The following EVA1A variants were observed in gnomAD, a reference collection of about 807,000 sequenced individuals.
EVA1A encodes protein eva-1 homolog A.
In EVA1A, 7 loss-of-function variants were observed where a neutral mutation model predicts 9.8. The ratio of observed to expected loss-of-function variants is 0.71; its 90% CI spans 0.41 to 1.34. EVA1A has a LOEUF of 1.34. EVA1A is among the 40% of genes most tolerant of loss of function. The pLI is 0.01. For missense variants in EVA1A, 206 were observed against 205.9 expected (o/e 1.00, Z 0.00); for synonymous variants, 90 against 85.6 (o/e 1.05, Z -0.28).
At chr2:75,504,937 C>T (rs1323335569) in intron 3 of EVA1A, among the ~76,000 whole-genome samples, 2 of 152,136 alleles carry the variant, frequency 1.3e-5, no homozygotes, top group African/African-American at 4.8e-5. Flanking sequence ...ATGTTCTGCA[C>T]ACGTATCCCA....
chr2:75,523,802 T>C lies in EVA1A; in HGVS notation c.-191-1315A>G, dbSNP rs191804889. 1.9e-3 allele frequency among the ~76,000 whole-genome samples: 283 copies of C among 152,284 alleles called. 6 individuals carry two copies. The highest frequency in any genetic ancestry group is 6.6e-3 in the African/African-American group (274 of 41,576). On this transcript the variant is annotated intron_variant, in intron 1 of 3. Transcript: ENST00000393913. ...GCATAGAGCTAATGCTCAGGGACTG[T>C]TTGCTGGATGAATGACTCACACTGA...
chr2:75,555,371 T>A lies in EVA1A; in HGVS notation c.-192+5309A>T, dbSNP rs952620632. Among the ~76,000 whole-genome samples, 4 of 143,056 alleles carry A rather than the reference T, an allele frequency of 2.8e-5. No individual in the cohort carries two copies. In the South Asian group the frequency reaches 9.6e-4, roughly 34 times the overall value. The allele number at this position is 143,056 out of a possible 152,430, so 93.9% of individuals were successfully genotyped here. A position where few individuals can be genotyped will look rare whatever the true frequency, so the allele number is the denominator to read the frequency against. On this transcript the variant is annotated intron_variant, in intron 1 of 3. Coordinates refer to ENST00000393913, the MANE Select transcript of EVA1A (RefSeq NM_001135032.2). ...CCCCTTCTTTCCCTCTGTTTCTCCA[T>A]CCCTTTCTAAGTCTGGAGAAATTTA...
chr2:75,554,015 G>A (rs184962753), intron 1 of EVA1A, among the ~76,000 whole-genome samples: 7 of 152,310 alleles, frequency 4.6e-5, no homozygotes, highest in East Asian at 1.9e-4. Flanking sequence ...GGCCCTACCC[G>A]TCTCCTCCCA....
chr2:75,537,429 C>A (rs1381789618), intron 1 of EVA1A, among the ~76,000 whole-genome samples: 4 of 152,190 alleles, frequency 2.6e-5, no homozygotes, highest in Non-Finnish European at 5.9e-5. Flanking sequence ...ACCCTCCCCA[C>A]TCTTAAATCA....
intron 3 of EVA1A, among the ~76,000 whole-genome samples, chr2:75,514,652 G>A (rs1376368984): frequency 6.6e-6 from 1 of 151,994 alleles, no homozygotes; most frequent in Non-Finnish European, 1.5e-5. Context: ...AATATATATG[G>A]TGTGTGGCAA....
At chr2:75,523,912 A>G (rs1675321747) in intron 1 of EVA1A, among the ~76,000 whole-genome samples, 3 of 152,120 alleles carry the variant, frequency 2.0e-5, no homozygotes, top group African/African-American at 7.2e-5. Context: ...ATCTTGTAAT[A>G]TAGTTCCTAT....
intron 3 of EVA1A, among the ~76,000 whole-genome samples, chr2:75,494,294 C>A (rs1410200738): frequency 6.6e-6 from 1 of 152,142 alleles, no homozygotes; most frequent in Admixed American, 6.5e-5. Context: ...GGGTCATCTG[C>A]AGAACTTAAG....
chr2:75,556,814 C>A (rs149427332), intron 1 of EVA1A, among the ~76,000 whole-genome samples: 2 of 152,124 alleles, frequency 1.3e-5, no homozygotes, highest in Non-Finnish European at 2.9e-5. Context: ...TTCACCCATG[C>A]GGCTTGCAAT....
chr2:75,542,537 T>C (rs1025456942), intron 1 of EVA1A: 1 of 152,324 alleles, frequency 6.6e-6, no homozygotes, highest in African/African-American at 2.4e-5. Context: ...GGCATGTGTT[T>C]TCCTGCATCA....
At chr2:75,552,379 G>A (rs1572991651) in intron 1 of EVA1A, among the ~76,000 whole-genome samples, 3 of 152,094 alleles carry the variant, frequency 2.0e-5, no homozygotes, top group South Asian at 4.2e-4. Flanking sequence ...CTCTCCTAAT[G>A]AATAGCCCCA....
chr2:75,494,844 C>T (rs1362337864), intron 3 of EVA1A, among the ~76,000 whole-genome samples: 1 of 152,182 alleles, frequency 6.6e-6, no homozygotes, highest in Non-Finnish European at 1.5e-5. Context: ...TAGGAGTGGC[C>T]TCAGCAGGTT....
chr2:75,541,236 G>A (rs905893027), intron 1 of EVA1A, among the ~76,000 whole-genome samples: 1 of 152,170 alleles, frequency 6.6e-6, no homozygotes, highest in African/African-American at 2.4e-5. Context: ...TGATGCAACA[G>A]ATAGAAAACT....
intron 1 of EVA1A, among the ~76,000 whole-genome samples, chr2:75,555,336 T>TCTCTCTCTCTCTCTCTCCCCCC (rs766586263): frequency 9.7e-6 from 1 of 102,744 alleles, no homozygotes; most frequent in African/African-American, 3.0e-5. Context: ...TCTCTCTCTC[T>TCTCTCTCTCTCTCTCTCCCCCC]CCCCCATCTC....
intron 1 of EVA1A, among the ~76,000 whole-genome samples, chr2:75,532,142 A>G (rs981532921): frequency 1.6e-5 from 2 of 127,866 alleles, no homozygotes; most frequent in South Asian, 2.8e-4. Flanking sequence ...CCTGGGTGAC[A>G]GAGTGAGACT....
chr2:75,549,083 C>T (rs1369750287), intron 1 of EVA1A, among the ~76,000 whole-genome samples: 1 of 149,948 alleles, frequency 6.7e-6, no homozygotes, highest in East Asian at 2.0e-4. Flanking sequence ...GCTTTATGGG[C>T]ACACAGTGTA....
chr2:75,524,399 C>G (rs561009143), intron 1 of EVA1A, among the ~76,000 whole-genome samples: 2 of 152,034 alleles, frequency 1.3e-5, no homozygotes, highest in South Asian at 2.1e-4. Context: ...CACAGCCTGG[C>G]TACTACAACT....
intron 1 of EVA1A, among the ~76,000 whole-genome samples, chr2:75,569,249 G>A (rs1342740620): frequency 1.3e-5 from 2 of 151,742 alleles, no homozygotes; most frequent in Non-Finnish European, 2.9e-5. Context: ...TCAAATAAAT[G>A]GTATTCACTT....
intron 1 of EVA1A, among the ~76,000 whole-genome samples, chr2:75,544,932 G>C (rs1480621073): frequency 6.6e-6 from 1 of 152,182 alleles, no homozygotes; most frequent in Non-Finnish European, 1.5e-5. Flanking sequence ...ATAAAATACA[G>C]GGGTACACTT....
At chr2:75,551,934 A>T (rs1244006202) in intron 1 of EVA1A, among the ~76,000 whole-genome samples, 2 of 152,128 alleles carry the variant, frequency 1.3e-5, no homozygotes, top group Non-Finnish European at 2.9e-5. Context: ...TAATTCTGGC[A>T]CTTTGGGGGA....
Sources: allele counts gnomAD v4.1 joint callset (sites outside exome capture counted in the v4.1 genomes callset), GRCh38; gene constraint gnomAD v4.1.1; transcripts MANE v1.5; gene names NCBI Gene and HGNC (gene_info 2026-07-23, HGNC 2026-07-21).